The following WDSUB1 variants were observed in gnomAD, a reference collection of about 807,000 sequenced individuals.
The protein encoded by WDSUB1 is WD repeat, SAM and U-box domain-containing protein 1.
Under a neutral mutation model 53.9 loss-of-function variants are expected in WDSUB1, and 49 were observed. The ratio of observed to expected loss-of-function variants is 0.91; its 90% CI spans 0.72 to 1.15. WDSUB1 has a LOEUF of 1.15. WDSUB1 is among the 50% of genes most tolerant of loss of function. The pLI is 0.00. For missense variants in WDSUB1, 514 were observed against 562.0 expected (o/e 0.91, Z 0.86); for synonymous variants, 194 against 200.6 (o/e 0.97, Z 0.28).
intron 10 of WDSUB1, among the ~76,000 whole-genome samples, chr2:159,244,033 G>T (rs1466170415): frequency 6.6e-6 from 1 of 151,928 alleles, no homozygotes; most frequent in Non-Finnish European, 1.5e-5. Context: ...TAGTCTAAAG[G>T]AGGAAAAAAA....
intron 5 of WDSUB1, among the ~76,000 whole-genome samples, chr2:159,269,320 A>C (rs1183642771): frequency 2.6e-5 from 4 of 151,924 alleles, no homozygotes; most frequent in Non-Finnish European, 5.9e-5. Flanking sequence ...ACAGGTGCCC[A>C]CCATCATGCC....
At chr2:159,258,079 G>T in intron 6 of WDSUB1, 94 bp from the exon 7 acceptor site, 1 of 1,059,324 alleles carries the variant, frequency 9.4e-7, no homozygotes, top group Non-Finnish European at 1.4e-6. Flanking sequence ...TATACTAAGT[G>T]GATATATTAA....
intron 1 of WDSUB1, among the ~76,000 whole-genome samples, chr2:159,284,348 C>A (rs2061742308): frequency 6.6e-6 from 1 of 152,146 alleles, no homozygotes; most frequent in African/African-American, 2.4e-5. Context: ...ATAAGGAGTT[C>A]TCAAAAATAC....
At chr2:159,280,190 TA>T (rs1383469618) in intron 2 of WDSUB1, among the ~76,000 whole-genome samples, 1 of 152,160 alleles carries the variant, frequency 6.6e-6, no homozygotes, top group Non-Finnish European at 1.5e-5. Flanking sequence ...TGTTCAAGCC[TA>T]AATTACAAAC....
At chr2:159,247,387 C>A (rs1030084546) in intron 10 of WDSUB1, among the ~76,000 whole-genome samples, 12 of 151,952 alleles carry the variant, frequency 7.9e-5, no homozygotes, top group Non-Finnish European at 1.8e-4. Context: ...AGTAAACTAC[C>A]ATGTAAAAAA....
intron 9 of WDSUB1, 64 bp from the exon 10 acceptor site, chr2:159,248,576 A>C: frequency 7.1e-7 from 1 of 1,407,780 alleles, no homozygotes; most frequent in South Asian, 1.7e-5. Context: ...GGATACTACC[A>C]GTAATCCTTA....
intron 3 of WDSUB1, among the ~76,000 whole-genome samples, chr2:159,276,319 C>T (rs1282109307): frequency 6.6e-6 from 1 of 152,184 alleles, no homozygotes; most frequent in African/African-American, 2.4e-5. Flanking sequence ...CTCAGCCTCC[C>T]AAAGTGCTGG....
chr2:159,267,587 G>A (rs1334859162), intron 5 of WDSUB1, among the ~76,000 whole-genome samples: 1 of 152,126 alleles, frequency 6.6e-6, no homozygotes, highest in African/African-American at 2.4e-5. Context: ...TAACAGGCAT[G>A]AGCTCCACAC....
At chr2:159,273,911 A>G (rs1475153388) in intron 4 of WDSUB1, among the ~76,000 whole-genome samples, 2 of 152,230 alleles carry the variant, frequency 1.3e-5, no homozygotes, top group African/African-American at 4.8e-5. Flanking sequence ...CAACAAAAAT[A>G]CAGTTTGTCA....
intron 10 of WDSUB1, among the ~76,000 whole-genome samples, chr2:159,236,545 T>G (rs934001658): frequency 2.0e-5 from 3 of 152,192 alleles, no homozygotes; most frequent in Non-Finnish European, 4.4e-5. Flanking sequence ...TTGGAAAGTT[T>G]GGCTGAATCA....
intron 1 of WDSUB1, among the ~76,000 whole-genome samples, chr2:159,284,062 T>G (rs909108761): frequency 1.3e-5 from 2 of 152,150 alleles, no homozygotes; most frequent in Non-Finnish European, 2.9e-5. Flanking sequence ...TCCGCCCACC[T>G]CAGCCTCCCA....
intron 2 of WDSUB1, among the ~76,000 whole-genome samples, chr2:159,281,387 C>T (rs992418067): frequency 6.6e-6 from 1 of 152,114 alleles, no homozygotes; most frequent in Non-Finnish European, 1.5e-5. Flanking sequence ...TACAGGCACA[C>T]GCCACCACGC....
chr2:159,284,236 A>C (rs181790825), intron 1 of WDSUB1, among the ~76,000 whole-genome samples: 3 of 152,196 alleles, frequency 2.0e-5, no homozygotes. Flanking sequence ...AAATTTCCAC[A>C]ACTCCTCAAA....
In WDSUB1 at chr2:159,271,388, A is replaced by G. The variant is rs147075040; in HGVS notation, c.770+314T>C. Among the ~76,000 whole-genome samples, 4 of 152,352 alleles carry G rather than the reference A, an allele frequency of 2.6e-5. No homozygotes were observed. The East Asian group carries it at 7.7e-4, about 29-fold the overall frequency. ...ACAGCAATGAAAATCAAAGGGCCAC[A>G]GCTCCAGGCAATAATATGAATTAAT... On this transcript the variant is annotated intron_variant, in intron 5 of 10. Transcript: ENST00000359774.
chr2:159,261,669 G>C lies in WDSUB1; in HGVS notation c.771-1826C>G, dbSNP rs570625945. Among the ~76,000 whole-genome samples the C allele has an allele frequency of 7.9e-5, 12 of 151,560 alleles. No individual in the cohort carries two copies. In the South Asian group the frequency reaches 2.5e-3, roughly 32 times the overall value. ...TGGCAGAGTATAACTTCCCATGCTT[G>C]TCCCCTCACAGGGACATCAATTTGA... On this transcript the variant is annotated intron_variant, in intron 5 of 10. Coordinates refer to ENST00000359774, the MANE Select transcript of WDSUB1 (RefSeq NM_001128212.3).
chr2:159,271,899 G>C (rs2061450588), intron 4 of WDSUB1, 104 bp from the exon 5 acceptor site: 1 of 899,930 alleles, frequency 1.1e-6, no homozygotes, highest in South Asian at 1.7e-5. Context: ...ATCTTTGAGT[G>C]CCTAAAGGAC....
intron 3 of WDSUB1, 127 bp from the exon 4 acceptor site, chr2:159,275,765 C>T: frequency 1.5e-6 from 1 of 678,950 alleles, no homozygotes. Flanking sequence ...TATTAGTTAA[C>T]TTATATCATT....
intron 3 of WDSUB1, among the ~76,000 whole-genome samples, chr2:159,276,031 T>C (rs2061533522): frequency 6.6e-6 from 1 of 151,358 alleles, no homozygotes; most frequent in African/African-American, 2.4e-5. Flanking sequence ...TAATCATTCC[T>C]AACCTTTTTT....
chr2:159,243,774 G>A (rs888245645), intron 10 of WDSUB1, among the ~76,000 whole-genome samples: 13 of 152,166 alleles, frequency 8.5e-5, no homozygotes, highest in East Asian at 3.9e-4. Context: ...ATAGCCAACA[G>A]AAATGCATAC....
Sources: gnomAD v4.1 joint callset for allele counts (sites outside exome capture counted in the v4.1 genomes callset) on GRCh38, gnomAD v4.1.1 for gene constraint, MANE v1.5 for transcripts, NCBI Gene and HGNC (gene_info 2026-07-23, HGNC 2026-07-21) for gene names.